The following PPFIBP2 variants were observed in gnomAD, a reference collection of about 807,000 sequenced individuals.
The protein encoded by PPFIBP2 is liprin-beta-2.
PPFIBP2 carries 118 observed loss-of-function variants against 118.3 expected under a neutral mutation model. That is an observed-to-expected ratio of 1.00 (90% CI 0.86 to 1.16). The LOEUF is 1.16. Among genes scored for constraint, PPFIBP2 ranks in the 50% most tolerant of loss-of-function variants. PPFIBP2 has a pLI of 0.00. For missense variants in PPFIBP2, 1,195 were observed against 1,073.1 expected, an observed-to-expected ratio of 1.11 and a Z score of -1.59; for synonymous variants, 414 against 397.4, an observed-to-expected ratio of 1.04 and a Z score of -0.50.
intron 2 of PPFIBP2, 128 bp downstream of exon 2, chr11:7,549,667 G>A (rs7125594): frequency 0.34 from 330,087 of 959,120 alleles, 60,473 homozygotes; most frequent in African/African-American, 0.53. Context: ...ATTTTTCAGT[G>A]GTGTTATTGT....
At chr11:7,596,177 T>C (rs1860253752) in intron 4 of PPFIBP2, among the ~76,000 whole-genome samples, 1 of 152,190 alleles carries the variant, frequency 6.6e-6, no homozygotes, top group Non-Finnish European at 1.5e-5. Flanking sequence ...CATAGAAATG[T>C]TTAACCCTCA....
intron 10 of PPFIBP2, 38 bp from the exon 11 acceptor site, chr11:7,630,887 A>C (rs746234129): frequency 3.6e-5 from 53 of 1,454,450 alleles, no homozygotes; most frequent in Non-Finnish European, 4.9e-5. Context: ...TCTGAACATG[A>C]ATTCAACAAT....
At chr11:7,624,026 T>C (rs1421961153) in intron 7 of PPFIBP2, among the ~76,000 whole-genome samples, 2 of 152,200 alleles carry the variant, frequency 1.3e-5, no homozygotes, top group African/African-American at 4.8e-5. Context: ...TGCTTCATTA[T>C]GAACTTTGGA....
intron 7 of PPFIBP2, among the ~76,000 whole-genome samples, chr11:7,622,300 TG>T: frequency 6.6e-6 from 1 of 152,304 alleles, no homozygotes; most frequent in South Asian, 2.1e-4. Flanking sequence ...AAGAGGGTGG[TG>T]CCACCATTCA....
rs150601885 is a variant in PPFIBP2 at position 7,634,469 on chromosome 11, ATTTC to A, written c.1137-18_1137-15del. ...TAACATGTACCTCCTTCTCATAACT[ATTTC>A]TTTCTTTTGTGTTTTTTTCAGGGCT... On this transcript the variant is annotated intron_variant, in intron 12 of 23. Coordinates refer to ENST00000299492, the MANE Select transcript of PPFIBP2 (RefSeq NM_003621.5). 1,989 of 1,567,732 alleles carry A rather than the reference ATTTC, an allele frequency of 1.3e-3. 16 individuals carry two copies. The African/African-American group carries it at 0.02, about 16-fold the overall frequency.
downstream of PPFIBP2, among the ~76,000 whole-genome samples, chr11:7,657,778 G>A (rs867106846): frequency 6.6e-6 from 1 of 152,204 alleles, no homozygotes. Context: ...GCATGATCCA[G>A]TTACAGGTAG....
chr11:7,630,942 C>T lies in PPFIBP2; in HGVS notation c.982C>T (p.Leu328Phe). 1 of 1,614,034 alleles carries T rather than the reference C, an allele frequency of 6.2e-7. No individual in the cohort carries two copies. The highest frequency in any genetic ancestry group is 8.5e-7 in the Non-Finnish European group (1 of 1,179,882). ...GCTTGCAGGGCCTTCGGAGAGAACT[C>T]TCTCAATCAATGAAGAAGAACCGGA... Reference protein sequence around the residue: ...MVTQGPSERTLSINEEEPEGG... With the variant: ...MVTQGPSERTFSINEEEPEGG... Residue 328 changes from leucine to phenylalanine, a missense_variant, in exon 11 of 24, where the codon CTC becomes TTC. Physicochemically the swap from Leu to Phe is conservative, Grantham distance 22. Transcript: ENST00000299492.
chr11:7,527,754 G>T (rs1353570862), intron 1 of PPFIBP2, among the ~76,000 whole-genome samples: 2 of 152,146 alleles, frequency 1.3e-5, no homozygotes, highest in Admixed American at 1.3e-4. Context: ...GGGAATTGCT[G>T]GCAGAGGGAA....
intron 17 of PPFIBP2, among the ~76,000 whole-genome samples, chr11:7,647,408 C>G (rs1468191002): frequency 6.6e-6 from 1 of 152,088 alleles, no homozygotes; most frequent in Non-Finnish European, 1.5e-5. Context: ...GGAACATAAT[C>G]TAGCTTTTCA....
intron 1 of PPFIBP2, chr11:7,538,350 G>T (rs192765429): frequency 6.6e-6 from 1 of 152,558 alleles, no homozygotes; most frequent in Admixed American, 6.5e-5. Context: ...CGGGGCACCC[G>T]GAGGTGAGGT....
At chr11:7,577,327 G>GTGTGCA in intron 3 of PPFIBP2, 1 of 293,450 alleles carries the variant, frequency 3.4e-6, no homozygotes. Flanking sequence ...GTGCGTGTGT[G>GTGTGCA]TGTGTGTGTG....
chr11:7,524,021 C>G (rs1038808087), intron 1 of PPFIBP2, among the ~76,000 whole-genome samples: 1 of 152,178 alleles, frequency 6.6e-6, no homozygotes, highest in Non-Finnish European at 1.5e-5. Context: ...TCCCAAGAGG[C>G]CTTCTTAGCA....
chr11:7,642,024 A>G (rs1264310690), intron 16 of PPFIBP2: 3 of 430,310 alleles, frequency 7.0e-6, no homozygotes, highest in South Asian at 7.9e-5. Context: ...ACTTTGTGAC[A>G]TGAGGCAGAA....
chr11:7,643,080 G>C (rs549185168), intron 17 of PPFIBP2, among the ~76,000 whole-genome samples: 90 of 152,308 alleles, frequency 5.9e-4, no homozygotes, highest in Non-Finnish European at 1.2e-3. Flanking sequence ...AGCTTTTAGA[G>C]GCTAGAGAAT....
chr11:7,592,577 G>A (rs913618637), intron 3 of PPFIBP2, among the ~76,000 whole-genome samples: 4 of 152,158 alleles, frequency 2.6e-5, no homozygotes, highest in East Asian at 1.9e-4. Context: ...GGGAAGGGAC[G>A]TGTGAATGAA....
At chr11:7,601,798 A>G (rs1846666821) in intron 5 of PPFIBP2, among the ~76,000 whole-genome samples, 1 of 152,098 alleles carries the variant, frequency 6.6e-6, no homozygotes, top group East Asian at 1.9e-4. Flanking sequence ...CGTCTCTACT[A>G]AAAATACAAA....
chr11:7,530,972 G>A (rs922028158), intron 1 of PPFIBP2, among the ~76,000 whole-genome samples: 4 of 152,198 alleles, frequency 2.6e-5, no homozygotes, highest in African/African-American at 9.7e-5. Flanking sequence ...TTATGGAAAG[G>A]AAGAGCTGAG....
chr11:7,635,480 A>T (rs374375992), intron 13 of PPFIBP2, 72 bp from the exon 14 acceptor site: 4 of 1,428,312 alleles, frequency 2.8e-6, no homozygotes, highest in Non-Finnish European at 4.0e-6. Context: ...GGTAGTCCTG[A>T]GTTGTTGCTG....
At chr11:7,640,741 G>A (rs907195985) in intron 15 of PPFIBP2, among the ~76,000 whole-genome samples, 1 of 152,216 alleles carries the variant, frequency 6.6e-6, no homozygotes, top group Non-Finnish European at 1.5e-5. Context: ...CCTGTGGCCT[G>A]GAGTATTCAG....
Sources: gnomAD v4.1 joint callset for allele counts (sites outside exome capture counted in the v4.1 genomes callset) on GRCh38, gnomAD v4.1.1 for gene constraint, MANE v1.5 for transcripts, NCBI Gene and HGNC (gene_info 2026-07-23, HGNC 2026-07-21) for gene names.